Variants in IGBP1 observed in about 807,000 individuals in gnomAD.
The protein encoded by IGBP1 is immunoglobulin binding protein 1.
A neutral mutation model predicts 25.9 loss-of-function variants in IGBP1; 2 were observed. That is an observed-to-expected ratio of 0.08 (90% CI 0.03 to 0.24). The LOEUF is 0.24. Ranked by LOEUF, IGBP1 falls within the 10% of genes least tolerant of loss-of-function variation. The pLI is 1.00. For missense variants in IGBP1, 187 were observed against 260.4 expected, an observed-to-expected ratio of 0.72 and a Z score of 1.94; for synonymous variants, 96 against 93.4, an observed-to-expected ratio of 1.03 and a Z score of -0.16.
chrX:70,162,259 C>T (rs905144920), intron 6 of IGBP1, among the ~76,000 whole-genome samples: 1 of 111,742 alleles, frequency 8.9e-6, no homozygotes. Context: ...AAACCCATAA[C>T]CCTAGTCTAA....
At position 70,148,851 on chromosome X, in the gene IGBP1, C is replaced by T. The variant is rs2085183867; in HGVS notation, c.758+11C>T. On this transcript the variant is annotated intron_variant, in intron 5 of 6. Transcript: ENST00000356413. The stretch of plus-strand genomic sequence containing the variant: ...CATGGCTCAAGCCAAGTAGGTAGTA[C>T]TAGAAAGTTTGCTTTGCAGCCCTCT... 4 of 1,141,852 alleles carry T rather than the reference C, an allele frequency of 3.5e-6. No homozygotes were observed. Among genetic ancestry groups the T allele is most frequent in the Non-Finnish European group, 4.8e-6 (4 of 832,480 alleles). 94.1% of individuals were successfully genotyped at this position (1,141,852 alleles called of 1,213,427 possible).
rs1481125594 is a variant in IGBP1, at chrX:70,150,329, C to T, written c.871+7C>T. 9 of 1,077,697 alleles carry T rather than the reference C, an allele frequency of 8.4e-6. No individual in the cohort carries two copies. Among genetic ancestry groups the T allele is most frequent in the Middle Eastern group, 2.5e-4 (1 of 4,021 alleles). The allele number at this position is 1,077,697 out of a possible 1,213,427, so 88.8% of individuals were successfully genotyped here. On this transcript the variant is annotated splice_region_variant and intron_variant, in intron 6 of 6. Transcript: ENST00000356413. ...ATAGCCAAGGCAGCACCAGGTATGA[C>T]GGGGTAGGAGGGAAATAGTTGTACC...
chrX:70,135,278 GT>G (rs1008812709), intron 3 of IGBP1, among the ~76,000 whole-genome samples: 1 of 111,299 alleles, frequency 9.0e-6, no homozygotes, highest in Non-Finnish European at 1.9e-5. Context: ...ACTTTCTTAG[GT>G]TTTTTTTGTT....
chrX:70,133,543 A>C lies in IGBP1; in HGVS notation c.-226+3A>C. 2.9e-6 allele frequency: 1 copy of C among 347,189 alleles called. No homozygotes were observed. Among genetic ancestry groups the C allele is most frequent in the South Asian group, 7.2e-5 (1 of 13,874 alleles). The allele number at this position is 347,189 out of a possible 1,213,427, so 28.6% of individuals were successfully genotyped here. A position where few individuals can be genotyped will look rare whatever the true frequency, so the allele number is the denominator to read the frequency against. On this transcript the variant is annotated splice_donor_region_variant and intron_variant, in intron 1 of 6. Transcript: ENST00000356413. ...CAACCTAGGGAGCTACTCGCGAGGT[A>C]AGGGGCGCGCCAGACTGGCTCCTAA... is the stretch of plus-strand genomic sequence containing the variant.
Position 70,134,693 on chromosome X carries a change from A to G in IGBP1, c.359A>G (p.His120Arg). The change falls in exon 3 of 7, where the codon CAT becomes CGT. Residue 120 changes from histidine to arginine, a missense_variant. Physicochemically the swap from His to Arg is conservative, Grantham distance 29. Coordinates refer to ENST00000356413, the MANE Select transcript of IGBP1 (RefSeq NM_001551.3). ...INYLTQCHCYHVAEFELPKTM... is the reference protein window; with the variant it reads ...INYLTQCHCYRVAEFELPKTM... ...TACTTAACTCAGTGCCATTGCTATC[A>G]TGTGGCAGAGTTTGAGCTGCCCAAA... 1 of 1,211,367 alleles carries G rather than the reference A, an allele frequency of 8.3e-7. No individual in the cohort carries two copies. The highest frequency in any genetic ancestry group is 3.0e-5 in the East Asian group (1 of 33,854).
At chrX:70,161,349 T>C (rs2085269722) in intron 6 of IGBP1, among the ~76,000 whole-genome samples, 1 of 111,656 alleles carries the variant, frequency 9.0e-6, no homozygotes, top group African/African-American at 3.3e-5. Context: ...CAGAGGATAA[T>C]TGACAGTAGC....
At chrX:70,137,769 A>G (rs1206550385) in intron 3 of IGBP1, among the ~76,000 whole-genome samples, 4 of 108,331 alleles carry the variant, frequency 3.7e-5, no homozygotes, top group African/African-American at 1.3e-4. Flanking sequence ...AAAAAAAAAA[A>G]AAACTGCAAG....
rs1203914112 is a variant in IGBP1 at position 70,134,960 on chromosome X, T to C, written c.482+144T>C. 5 of 544,776 alleles carry C rather than the reference T, an allele frequency of 9.2e-6. 1 individual carries two copies. Among genetic ancestry groups the C allele is most frequent in the South Asian group, 5.9e-5 (2 of 34,024 alleles). 44.9% of individuals were successfully genotyped at this position (544,776 alleles called of 1,213,427 possible). A position where few individuals can be genotyped will look rare whatever the true frequency, so the allele number is the denominator to read the frequency against. ...CATAGGCCCTAGGGAGAGCAAACTTTCCTGAGTTTTTCCAAGAAGCCTCTG... is the reference window on the plus strand; with the variant it reads ...CATAGGCCCTAGGGAGAGCAAACTTCCCTGAGTTTTTCCAAGAAGCCTCTG... On this transcript the variant is annotated intron_variant, in intron 3 of 6. Coordinates refer to ENST00000356413, the MANE Select transcript of IGBP1 (RefSeq NM_001551.3).
intron 3 of IGBP1, among the ~76,000 whole-genome samples, chrX:70,142,015 T>C (rs771727241): frequency 1.4e-4 from 16 of 111,585 alleles, no homozygotes; most frequent in Admixed American, 3.8e-4. Context: ...CCAGTTCTAG[T>C]ATCATTCCCA....
intron 6 of IGBP1, among the ~76,000 whole-genome samples, chrX:70,162,696 G>T (rs917551964): frequency 8.9e-6 from 1 of 112,040 alleles, no homozygotes; most frequent in East Asian, 2.8e-4. Context: ...ATTGTGGGCC[G>T]GGCGCGGTGG....
At chrX:70,147,404 C>A (rs1269710036) in intron 4 of IGBP1, among the ~76,000 whole-genome samples, 3 of 108,637 alleles carry the variant, frequency 2.8e-5, no homozygotes, top group African/African-American at 1.0e-4. Context: ...GCCTGGGTGA[C>A]AGAATGAGAC....
intron 3 of IGBP1, among the ~76,000 whole-genome samples, chrX:70,139,962 G>A (rs765486956): frequency 8.9e-6 from 1 of 112,159 alleles, no homozygotes; most frequent in Non-Finnish European, 1.9e-5. Flanking sequence ...TCCCTCTATA[G>A]AATGTCTGTG....
intron 3 of IGBP1, among the ~76,000 whole-genome samples, chrX:70,138,035 C>G (rs1399539664): frequency 9.2e-6 from 1 of 109,107 alleles, no homozygotes; most frequent in Non-Finnish European, 1.9e-5. Context: ...ACTCGGGAGG[C>G]TGAGGCAGCA....
chrX:70,164,055 G>A (rs1348190822), intron 6 of IGBP1: 7 of 111,384 alleles, frequency 6.3e-5, no homozygotes, highest in African/African-American at 1.6e-4. Context: ...CGTGGCCAAT[G>A]TGGTGAAACC....
chrX:70,147,642 C>T (rs1199299696), intron 4 of IGBP1, among the ~76,000 whole-genome samples: 1 of 111,988 alleles, frequency 8.9e-6, no homozygotes, highest in Non-Finnish European at 1.9e-5. Context: ...ACAGCAAGGG[C>T]ATTTCCATGC....
chrX:70,137,625 C>T (rs1190097617), intron 3 of IGBP1, among the ~76,000 whole-genome samples: 1 of 108,668 alleles, frequency 9.2e-6, no homozygotes, highest in East Asian at 2.9e-4. Flanking sequence ...TAGTGAGTGA[C>T]TGAGGATATG....
chrX:70,134,277 T>C, intron 2 of IGBP1, 142 bp downstream of exon 2: 2 of 595,861 alleles, frequency 3.4e-6, no homozygotes, highest in East Asian at 3.5e-5. Flanking sequence ...GTGTACATTG[T>C]TTACATTCCC....
chrX:70,146,214 T>C (rs2085165452), intron 3 of IGBP1, among the ~76,000 whole-genome samples: 1 of 106,128 alleles, frequency 9.4e-6, no homozygotes, highest in Admixed American at 1.1e-4. Context: ...AAGGCATTCC[T>C]GCATCAGTGG....
At chrX:70,148,959 T>G in intron 5 of IGBP1, 119 bp downstream of exon 5, 1 of 573,859 alleles carries the variant, frequency 1.7e-6, no homozygotes, top group Non-Finnish European at 3.0e-6. Context: ...GTGGGCGAGG[T>G]GGCTCGTGCC....
Sources: allele counts gnomAD v4.1 joint callset (sites outside exome capture counted in the v4.1 genomes callset), GRCh38; gene constraint gnomAD v4.1.1; transcripts MANE v1.5; gene names NCBI Gene and HGNC (gene_info 2026-07-23, HGNC 2026-07-21).